Variants in GSN observed in about 807,000 individuals in gnomAD.
GSN encodes actin-depolymerizing factor.
In GSN, 56 loss-of-function variants were observed where a neutral mutation model predicts 85.7. The observed-to-expected ratio is 0.65, with a 90% CI of 0.53 to 0.82. The LOEUF is 0.82. Among genes scored for constraint, GSN ranks in the 40% least tolerant of loss-of-function variants. GSN has a pLI of 0.00. For missense variants in GSN, 857 were observed against 979.8 expected, an observed-to-expected ratio of 0.87 and a Z score of 1.67; for synonymous variants, 373 against 399.1, an observed-to-expected ratio of 0.93 and a Z score of 0.78.
intron 5 of GSN, among the ~76,000 whole-genome samples, chr9:121,247,152 C>T (rs530281803): frequency 2.0e-5 from 3 of 152,294 alleles, no homozygotes; most frequent in East Asian, 1.9e-4. Flanking sequence ...AAGGAAGACT[C>T]GGTTCCCGGC....
rs1445044902 is a variant in GSN, at chr9:121,299,977, C to T, written c.-9-1986C>T. On this transcript the variant is annotated intron_variant, in intron 2 of 17. Coordinates refer to ENST00000432226, the MANE Select transcript of GSN (RefSeq NM_198252.3). This position sits in a 1 kb window ranked among gnomAD's most constrained non-coding sequence, Gnocchi z 4.2. ...TCGCGGGGGGCGTCCCAGGCGGGGGCGCCCCAGGGGCGGGTGCCCGAGGCG... is the reference window on the plus strand; with the variant it reads ...TCGCGGGGGGCGTCCCAGGCGGGGGTGCCCCAGGGGCGGGTGCCCGAGGCG... The T allele has an allele frequency of 3.7e-6, 5 of 1,342,116 alleles. No homozygotes were observed. Among genetic ancestry groups the T allele is most frequent in the Non-Finnish European group, 4.8e-6 (5 of 1,043,362 alleles). The allele number at this position is 1,342,116 out of a possible 1,614,324, so 83.1% of individuals were successfully genotyped here.
chr9:121,302,386 T>C, intron 3 of GSN, among the ~76,000 whole-genome samples: 1 of 152,190 alleles, frequency 6.6e-6, no homozygotes, highest in East Asian at 1.9e-4. Context: ...AGTCACTTAG[T>C]GTCCCTGTGG....
At chr9:121,254,082 T>A (rs1275671880) in intron 6 of GSN, among the ~76,000 whole-genome samples, 1 of 152,194 alleles carries the variant, frequency 6.6e-6, no homozygotes, top group Non-Finnish European at 1.5e-5. Flanking sequence ...GATGACCTAT[T>A]TAATCTAGAG....
intron 5 of GSN, among the ~76,000 whole-genome samples, chr9:121,240,422 A>G (rs2054581061): frequency 6.6e-6 from 1 of 152,216 alleles, no homozygotes; most frequent in Admixed American, 6.5e-5. Flanking sequence ...CTAAGCAAAG[A>G]AAGAGAATGT....
At chr9:121,226,311 A>G (rs191544885) in intron 4 of GSN, among the ~76,000 whole-genome samples, 7 of 152,390 alleles carry the variant, frequency 4.6e-5, no homozygotes, top group Admixed American at 4.6e-4. Context: ...TCACTAGGAC[A>G]TCAGACACGG....
Position 121,318,058 on chromosome 9 carries a change from C to A in GSN, c.887-348C>A, listed in dbSNP as rs1359549617. Among the ~76,000 whole-genome samples, 2 of 152,220 alleles carry A rather than the reference C, an allele frequency of 1.3e-5. No individual in the cohort carries two copies. Among genetic ancestry groups the A allele is most frequent in the Non-Finnish European group, 2.9e-5 (2 of 68,020 alleles). The stretch of plus-strand genomic sequence containing the variant: ...TAACCTAGGTCAAGTAATTTAATCT[C>A]TCTAAGACCCTAGCTTCCTTATAGA... On this transcript the variant is annotated intron_variant, in intron 8 of 17. Transcript: ENST00000432226. This position sits in a 1 kb window ranked among gnomAD's most constrained non-coding sequence, Gnocchi z 4.3.
chr9:121,278,287 C>T (rs1017062712), intron 1 of GSN, among the ~76,000 whole-genome samples: 2 of 152,072 alleles, frequency 1.3e-5, no homozygotes, highest in East Asian at 1.9e-4. Context: ...TAGAGTTTAA[C>T]GCTTGGAAGG....
At chr9:121,325,903 G>T (rs958812107) in intron 12 of GSN, among the ~76,000 whole-genome samples, 2 of 152,084 alleles carry the variant, frequency 1.3e-5, no homozygotes, top group Admixed American at 6.6e-5. Flanking sequence ...AGCGGTGGTG[G>T]GTCGTGGTGG....
intron 4 of GSN, among the ~76,000 whole-genome samples, chr9:121,230,221 C>T (rs1275576643): frequency 6.6e-6 from 1 of 152,128 alleles, no homozygotes; most frequent in Admixed American, 6.5e-5. Context: ...TCAAATTTTA[C>T]CCTTATTTTA....
At chr9:121,294,433 C>T (rs539494948) in intron 2 of GSN, among the ~76,000 whole-genome samples, 2 of 152,306 alleles carry the variant, frequency 1.3e-5, no homozygotes, top group East Asian at 1.9e-4. Context: ...GGGCCCAGAG[C>T]TCATACCCAT....
In GSN at chr9:121,318,187, C is replaced by A. The variant is rs2133659254; in HGVS notation, c.887-219C>A. On this transcript the variant is annotated intron_variant, in intron 8 of 17. Transcript: ENST00000432226. The surrounding 1 kb of genome is among the most constrained non-coding windows in gnomAD (Gnocchi z 4.3). ...ACAAAATACATGCTCACTAAATGGA[C>A]CACAGTAGTGTTGTGATTGGTGTCA... Among the ~76,000 whole-genome samples the A allele has an allele frequency of 6.6e-6, 1 of 152,318 alleles. No homozygotes were observed. The highest frequency in any genetic ancestry group is 1.9e-4 in the East Asian group (1 of 5,182).
At chr9:121,283,025 C>T (rs1048611895) in intron 2 of GSN, 2 of 168,188 alleles carry the variant, frequency 1.2e-5, no homozygotes, top group South Asian at 2.1e-4. Flanking sequence ...GTGACCTCCT[C>T]GATGTCCAAT....
chr9:121,244,413 G>A (rs1009497868), intron 5 of GSN, among the ~76,000 whole-genome samples: 2 of 152,184 alleles, frequency 1.3e-5, no homozygotes, highest in African/African-American at 4.8e-5. Flanking sequence ...TAAGAGACTG[G>A]CAAAATGTTT....
intron 1 of GSN, among the ~76,000 whole-genome samples, chr9:121,271,732 C>T (rs759563715): frequency 4.6e-5 from 7 of 152,162 alleles, no homozygotes; most frequent in Non-Finnish European, 7.4e-5. Flanking sequence ...AGGGGCCTCC[C>T]GGGGCTGTTT....
Position 121,327,496 on chromosome 9 carries a change from T to G in GSN, c.1762+14T>G, listed in dbSNP as rs2063365340. On this transcript the variant is annotated intron_variant, in intron 14 of 17. Coordinates refer to ENST00000432226, the MANE Select transcript of GSN (RefSeq NM_198252.3). The stretch of plus-strand genomic sequence containing the variant: ...GCAGCGAGCCAGGTAGGAGCCGGGG[T>G]GGGGGGCCTGCTGCTGTCCGGATGC... 1 of 1,550,264 alleles carries G rather than the reference T, an allele frequency of 6.5e-7. No individual in the cohort carries two copies. Among genetic ancestry groups the G allele is most frequent in the Admixed American group, 2.0e-5 (1 of 51,184 alleles).
chr9:121,316,994 T>C, intron 7 of GSN, 92 bp from the exon 8 acceptor site: 1 of 1,551,212 alleles, frequency 6.4e-7, no homozygotes, highest in Non-Finnish European at 8.9e-7. Context: ...ACAGGGCCAT[T>C]TGGGACAGGG....
Position 121,318,474 on chromosome 9 carries a change from G to A in GSN, c.955G>A (p.Asp319Asn), listed in dbSNP as rs2061975709. 5 of 1,613,830 alleles carry A rather than the reference G, an allele frequency of 3.1e-6. No homozygotes were observed. The East Asian group carries it at 1.1e-4, about 36-fold the overall frequency. The change falls in exon 9 of 18, where the codon GAC becomes AAC. Residue 319 changes from aspartate to asparagine, a missense_variant. Physicochemically the swap from Asp to Asn is conservative, Grantham distance 23. Coordinates refer to ENST00000432226, the MANE Select transcript of GSN (RefSeq NM_198252.3). The surrounding 1 kb of genome is among the most constrained non-coding windows in gnomAD (Gnocchi z 4.3). ...KTASDFITKM[D>N]YPKQTQVSVL... ...AGCCTCTGACTTCATCACCAAGATG[G>A]ACTACCCCAAGCAGACTCAGGTGAG...
At chr9:121,301,833 C>A (rs1427523075) in intron 2 of GSN, 130 bp from the exon 3 acceptor site, 9 of 1,469,836 alleles carry the variant, frequency 6.1e-6, no homozygotes, top group Non-Finnish European at 8.4e-6. Context: ...GGATAGACTT[C>A]CCTGGGGCGT....
intron 1 of GSN, among the ~76,000 whole-genome samples, chr9:121,275,733 G>C (rs1430826526): frequency 6.6e-6 from 1 of 152,080 alleles, no homozygotes; most frequent in Non-Finnish European, 1.5e-5. Context: ...CTGTTCAGTG[G>C]TCTTAAAAAA....
Sources: gnomAD v4.1 joint callset for allele counts (sites outside exome capture counted in the v4.1 genomes callset) on GRCh38, gnomAD v4.1.1 for gene constraint, Gnocchi (gnomAD v3.1) non-coding constraint, MANE v1.5 for transcripts, NCBI Gene and HGNC (gene_info 2026-07-23, HGNC 2026-07-21) for gene names.